The following SOX5 variants were observed in gnomAD, a reference collection of about 807,000 sequenced individuals.
SOX5 encodes the protein SRY-box transcription factor 5.
A neutral mutation model predicts 92.0 loss-of-function variants in SOX5; 9 were observed. The ratio of observed to expected loss-of-function variants is 0.10; its 90% CI spans 0.06 to 0.17. The LOEUF is 0.17. SOX5 is among the 10% of genes least tolerant of loss of function. The pLI is 1.00. For missense variants in SOX5, 642 were observed against 944.5 expected (o/e 0.68, Z 4.20); for synonymous variants, 344 against 336.3 (o/e 1.02, Z -0.25).
chr12:23,918,843 G>A (rs1383269384), intron 1 of SOX5, among the ~76,000 whole-genome samples: 3 of 85,430 alleles, frequency 3.5e-5, no homozygotes, highest in Non-Finnish European at 8.9e-5. Context: ...CTGGAACCCG[G>A]GAGGTGGAGG....
intron 1 of SOX5, among the ~76,000 whole-genome samples, chr12:23,944,598 T>C (rs985265766): frequency 6.6e-6 from 1 of 152,156 alleles, no homozygotes; most frequent in Admixed American, 6.6e-5. Flanking sequence ...CTAAAGCATG[T>C]CAAATTTAAA....
chr12:23,785,537 C>T (rs2095362894), intron 3 of SOX5, among the ~76,000 whole-genome samples: 1 of 152,148 alleles, frequency 6.6e-6, no homozygotes, highest in Non-Finnish European at 1.5e-5. Flanking sequence ...TTTATGTAAT[C>T]ACCTGCCTTC....
At chr12:23,999,182 T>C (rs1407890947) in intron 4 of SOX5, among the ~76,000 whole-genome samples, 11 of 57,564 alleles carry the variant, frequency 1.9e-4, no homozygotes, top group African/African-American at 4.7e-4. Context: ...GTGTGTACCA[T>C]TGCTTCTCTT....
chr12:23,839,975 G>C (rs1372699210), intron 3 of SOX5, among the ~76,000 whole-genome samples: 1 of 129,226 alleles, frequency 7.7e-6, no homozygotes, highest in Non-Finnish European at 1.6e-5. Flanking sequence ...GAAACTCCTA[G>C]CTAACTCAAG....
intron 1 of SOX5, among the ~76,000 whole-genome samples, chr12:23,915,488 A>T (rs952049519): frequency 2.6e-5 from 4 of 152,194 alleles, no homozygotes; most frequent in Non-Finnish European, 5.9e-5. Context: ...GAATCTTGCT[A>T]GAAAAGTGAG....
chr12:23,622,063 G>C (rs933575576), intron 8 of SOX5, among the ~76,000 whole-genome samples: 1 of 152,064 alleles, frequency 6.6e-6, no homozygotes, highest in African/African-American at 2.4e-5. Flanking sequence ...TTGGTGTATC[G>C]AGACATGCCT....
chr12:23,831,693 C>T (rs760757760), intron 3 of SOX5, among the ~76,000 whole-genome samples: 3 of 151,836 alleles, frequency 2.0e-5, no homozygotes, highest in African/African-American at 4.8e-5. Context: ...ATAAGTTGTG[C>T]CTTTAGGGTC....
intron 1 of SOX5, among the ~76,000 whole-genome samples, chr12:24,530,688 C>T (rs112798843): frequency 4.0e-5 from 6 of 149,392 alleles, no homozygotes; most frequent in East Asian, 2.0e-4. Context: ...CTTCTCTACT[C>T]GTATCTAATA....
chr12:24,542,139 C>T (rs1952188843), intron 1 of SOX5, among the ~76,000 whole-genome samples: 1 of 152,206 alleles, frequency 6.6e-6, no homozygotes, highest in Non-Finnish European at 1.5e-5. Flanking sequence ...TATATGACCC[C>T]TGCCTCCTCC....
intron 1 of SOX5, among the ~76,000 whole-genome samples, chr12:24,499,752 G>A (rs1948007700): frequency 7.7e-6 from 1 of 129,258 alleles, no homozygotes; most frequent in South Asian, 2.5e-4. Flanking sequence ...CTAAAAATCT[G>A]CCTTTTTTTT....
intron 4 of SOX5, among the ~76,000 whole-genome samples, chr12:24,012,469 AT>A (rs957317908): frequency 8.6e-5 from 13 of 152,012 alleles, no homozygotes; most frequent in African/African-American, 2.7e-4. Flanking sequence ...ATGGATTTGA[AT>A]TTTTTTTCAA....
rs778398594 is a variant in SOX5, at chr12:23,640,914, T to A, written c.932-17A>T. Reference sequence around the variant, plus strand: ...AAGGGTCACCTAAGTAAGAGAATAATAGAGGCGTCAGCACCTTTTATCTAC... The same window carrying A: ...AAGGGTCACCTAAGTAAGAGAATAAAAGAGGCGTCAGCACCTTTTATCTAC... On this transcript the variant is annotated splice_polypyrimidine_tract_variant and intron_variant, in intron 7 of 14. Transcript: ENST00000451604. 2.5e-5 allele frequency: 39 copies of A among 1,556,344 alleles called. No homozygotes were observed. In the Middle Eastern group the frequency reaches 1.2e-3, roughly 47 times the overall value.
At chr12:24,067,314 C>T (rs1036415408) in intron 4 of SOX5, among the ~76,000 whole-genome samples, 4 of 152,184 alleles carry the variant, frequency 2.6e-5, no homozygotes, top group African/African-American at 9.7e-5. Context: ...AGTCCCAAGG[C>T]TCAGCAAAAC....
At chr12:23,783,751 G>T (rs2095326734) in intron 3 of SOX5, among the ~76,000 whole-genome samples, 1 of 152,110 alleles carries the variant, frequency 6.6e-6, no homozygotes, top group Non-Finnish European at 1.5e-5. Context: ...GAAAAAAACA[G>T]ATATTTTGAT....
At chr12:24,209,748 G>A (rs1282145458) in intron 4 of SOX5, among the ~76,000 whole-genome samples, 1 of 151,964 alleles carries the variant, frequency 6.6e-6, no homozygotes, top group Non-Finnish European at 1.5e-5. Context: ...GCCGGGCGCG[G>A]TGGCTCACGC....
chr12:24,409,339 G>A (rs551829126), intron 1 of SOX5, among the ~76,000 whole-genome samples: 1 of 152,290 alleles, frequency 6.6e-6, no homozygotes, highest in African/African-American at 2.4e-5. Context: ...CTGCTGTGGG[G>A]TGGGGAGTGA....
At chr12:23,596,983 A>G (rs1952585576) in intron 9 of SOX5, among the ~76,000 whole-genome samples, 2 of 152,166 alleles carry the variant, frequency 1.3e-5, no homozygotes, top group Non-Finnish European at 2.9e-5. Flanking sequence ...TTTGATTACA[A>G]TGTTTCAAAC....
chr12:24,054,987 C>T (rs1160885060), intron 4 of SOX5, among the ~76,000 whole-genome samples: 4 of 152,012 alleles, frequency 2.6e-5, no homozygotes, highest in Non-Finnish European at 4.4e-5. Context: ...TTCCTGTACA[C>T]ATTTTTTATA....
chr12:23,954,432 A>G (rs1021555438), upstream of SOX5, among the ~76,000 whole-genome samples: 8 of 151,694 alleles, frequency 5.3e-5, no homozygotes, highest in African/African-American at 1.9e-4. Flanking sequence ...ATTAAAATTA[A>G]AAAGAGGACA....
Sources: allele counts gnomAD v4.1 joint callset (sites outside exome capture counted in the v4.1 genomes callset), GRCh38; gene constraint gnomAD v4.1.1; transcripts MANE v1.5; gene names NCBI Gene and HGNC (gene_info 2026-07-23, HGNC 2026-07-21).